NRG1: variants seen among roughly 807,000 people sequenced by gnomAD.
NRG1 encodes the protein neuregulin 1, also known as pro-neuregulin-1, membrane-bound isoform.
A neutral mutation model predicts 63.8 loss-of-function variants in NRG1; 18 were observed. The ratio of observed to expected loss-of-function variants is 0.28; its 90% CI spans 0.19 to 0.42. The LOEUF is 0.42. NRG1 is among the 10% of genes least tolerant of loss of function. The pLI is 1.00. For synonymous variants in NRG1, 302 were observed against 301.3 expected, an observed-to-expected ratio of 1.00 and a Z score of -0.02; for missense variants, 762 against 814.7, an observed-to-expected ratio of 0.94 and a Z score of 0.79.
chr8:32,239,044 T>G (rs958165880), intron 1 of NRG1, among the ~76,000 whole-genome samples: 1 of 152,214 alleles, frequency 6.6e-6, no homozygotes, highest in African/African-American at 2.4e-5. Context: ...ACTTGTTAGC[T>G]ATGTGGCCAG....
chr8:31,829,571 G>T (rs1474719911), intron 1 of NRG1, among the ~76,000 whole-genome samples: 2 of 152,116 alleles, frequency 1.3e-5, no homozygotes, highest in African/African-American at 4.8e-5. Flanking sequence ...TTCCAAATTT[G>T]AATATGTCCA....
chr8:32,416,153 G>C (rs1815880332), intron 1 of NRG1, among the ~76,000 whole-genome samples: 2 of 152,160 alleles, frequency 1.3e-5, no homozygotes, highest in Admixed American at 6.6e-5. Flanking sequence ...CCTCATGTTA[G>C]TTATCTGGAA....
chr8:31,926,421 C>T (rs1246219297), intron 1 of NRG1, among the ~76,000 whole-genome samples: 1 of 152,050 alleles, frequency 6.6e-6, no homozygotes, highest in Non-Finnish European at 1.5e-5. Flanking sequence ...TTCTAACTGT[C>T]TTAATCATTC....
chr8:32,293,718 C>CTTTTTTT (rs770993591), intron 1 of NRG1, among the ~76,000 whole-genome samples: 118 of 108,232 alleles, frequency 1.1e-3, no homozygotes, highest in African/African-American at 2.0e-3. Flanking sequence ...TTTTCTTCTT[C>CTTTTTTT]TTTTTTTTTT....
intron 1 of NRG1, among the ~76,000 whole-genome samples, chr8:32,255,439 C>G (rs1240549941): frequency 6.6e-6 from 1 of 152,168 alleles, no homozygotes; most frequent in Non-Finnish European, 1.5e-5. Context: ...TCTATTTCTC[C>G]TTCACTTATG....
At chr8:32,524,277 G>A (rs1588109667) in intron 1 of NRG1, among the ~76,000 whole-genome samples, 1 of 152,036 alleles carries the variant, frequency 6.6e-6, no homozygotes, top group Non-Finnish European at 1.5e-5. Flanking sequence ...TTAGCTTCCT[G>A]AGTGGCTGTG....
intron 1 of NRG1, among the ~76,000 whole-genome samples, chr8:32,570,920 A>G (rs1437050676): frequency 6.6e-6 from 1 of 152,190 alleles, no homozygotes; most frequent in Non-Finnish European, 1.5e-5. Flanking sequence ...ATGCCCAGAA[A>G]GTTAATCTGA....
chr8:32,201,767 T>C (rs1843520234), intron 1 of NRG1, among the ~76,000 whole-genome samples: 1 of 152,120 alleles, frequency 6.6e-6, no homozygotes, highest in African/African-American at 2.4e-5. Flanking sequence ...ATGTCCAAAT[T>C]TGTCAAATAC....
intron 1 of NRG1, among the ~76,000 whole-genome samples, chr8:32,023,489 C>T (rs542392893): frequency 1.3e-5 from 2 of 152,336 alleles, no homozygotes; most frequent in East Asian, 3.9e-4. Context: ...GTTCCACTTG[C>T]AGCTGCAGGC....
chr8:32,536,290 C>CTT (rs932863543), intron 1 of NRG1, among the ~76,000 whole-genome samples: 2 of 152,088 alleles, frequency 1.3e-5, no homozygotes, highest in Non-Finnish European at 2.9e-5. Flanking sequence ...ACTGAAGTCT[C>CTT]TTTTCTTGCT....
intron 1 of NRG1, among the ~76,000 whole-genome samples, chr8:32,595,259 G>T (rs1405403023): frequency 6.6e-6 from 1 of 151,858 alleles, no homozygotes; most frequent in African/African-American, 2.4e-5. Context: ...GTGGGATCAT[G>T]GCTCACTGCA....
At chr8:32,755,211 A>G (rs1361370105) in intron 8 of NRG1, among the ~76,000 whole-genome samples, 1 of 152,182 alleles carries the variant, frequency 6.6e-6, no homozygotes, top group African/African-American at 2.4e-5. Context: ...GGTCCGTATT[A>G]ACAAATTCAA....
chr8:32,398,642 C>T (rs1812755603), intron 1 of NRG1, among the ~76,000 whole-genome samples: 1 of 152,052 alleles, frequency 6.6e-6, no homozygotes, highest in Admixed American at 6.6e-5. Flanking sequence ...AACCCCTGAC[C>T]TCAGATGGTC....
At chr8:31,992,604 G>GAA (rs1334593189) in intron 1 of NRG1, among the ~76,000 whole-genome samples, 2 of 151,990 alleles carry the variant, frequency 1.3e-5, no homozygotes, top group Non-Finnish European at 2.9e-5. Flanking sequence ...AATTCGACTA[G>GAA]AAAGACTCAT....
chr8:31,897,580 C>T (rs576648403), intron 1 of NRG1, among the ~76,000 whole-genome samples: 2 of 152,148 alleles, frequency 1.3e-5, no homozygotes, highest in South Asian at 4.1e-4. Flanking sequence ...ACAATCTATT[C>T]TCTCTGAAGC....
intron 1 of NRG1, among the ~76,000 whole-genome samples, chr8:32,525,996 T>A (rs1371365760): frequency 6.6e-6 from 1 of 152,220 alleles, no homozygotes; most frequent in Non-Finnish European, 1.5e-5. Context: ...CTCATTTTAG[T>A]GGCATTTCAA....
intron 1 of NRG1, among the ~76,000 whole-genome samples, chr8:32,516,294 T>C (rs928208206): frequency 2.0e-5 from 3 of 152,188 alleles, no homozygotes; most frequent in Non-Finnish European, 4.4e-5. Context: ...TACCATGCTG[T>C]TTTTGTATCA....
chr8:32,455,608 A>C (rs1821500043), intron 1 of NRG1, among the ~76,000 whole-genome samples: 1 of 152,238 alleles, frequency 6.6e-6, no homozygotes, highest in African/African-American at 2.4e-5. Flanking sequence ...TGCATTCACC[A>C]GTCAAAATAT....
intron 1 of NRG1, among the ~76,000 whole-genome samples, chr8:32,232,134 C>T (rs181179460): frequency 6.6e-6 from 1 of 151,826 alleles, no homozygotes; most frequent in Non-Finnish European, 1.5e-5. Flanking sequence ...AAACTCCTGA[C>T]CTCAAGTGAT....
Sources: allele counts gnomAD v4.1 joint callset (sites outside exome capture counted in the v4.1 genomes callset), GRCh38; gene constraint gnomAD v4.1.1; transcripts MANE v1.5; gene names NCBI Gene and HGNC (gene_info 2026-07-23, HGNC 2026-07-21).